The following ZNF385D variants were observed in gnomAD, a reference collection of about 807,000 sequenced individuals.
The protein encoded by ZNF385D is zinc finger protein 385D.
Under a neutral mutation model 35.8 loss-of-function variants are expected in ZNF385D, and 15 were observed. The observed-to-expected ratio is 0.42, with a 90% confidence interval of 0.28 to 0.64. The LOEUF is 0.64. Among genes scored for constraint, ZNF385D ranks in the 30% least tolerant of loss-of-function variants. The pLI is 0.23. For missense variants in ZNF385D, 474 were observed against 494.6 expected (o/e 0.96, Z 0.39); for synonymous variants, 212 against 186.8 (o/e 1.13, Z -1.10).
At chr3:22,110,514 C>T (rs1702462236) in intron 3 of ZNF385D, among the ~76,000 whole-genome samples, 1 of 152,078 alleles carries the variant, frequency 6.6e-6, no homozygotes, top group South Asian at 2.1e-4. Flanking sequence ...TGGAAACCAT[C>T]ATTCTCAGCA....
chr3:22,132,085 A>G lies in ZNF385D; in HGVS notation c.325+36732T>C, dbSNP rs182818875. On this transcript the variant is annotated intron_variant, in intron 3 of 5. Transcript: ENST00000494108. Reference sequence around the variant, plus strand: ...AGGAAAAAACGTTTAGGGTATATGCAAAGAAGTGATTATAGTGGTGCTATG... The same window carrying G: ...AGGAAAAAACGTTTAGGGTATATGCGAAGAAGTGATTATAGTGGTGCTATG... Among the ~76,000 whole-genome samples the G allele has an allele frequency of 8.7e-4, 132 of 152,308 alleles. 2 individuals carry two copies. The Middle Eastern group carries it at 0.02, about 24-fold the overall frequency.
chr3:21,657,386 G>A (rs543592560), intron 2 of ZNF385D, among the ~76,000 whole-genome samples: 35 of 152,000 alleles, frequency 2.3e-4, no homozygotes, highest in African/African-American at 7.7e-4. Context: ...TTTGTGCTTC[G>A]AGGTCACTAT....
chr3:22,318,440 C>T (rs550696177), intron 2 of ZNF385D, among the ~76,000 whole-genome samples: 81 of 152,142 alleles, frequency 5.3e-4, no homozygotes, highest in Non-Finnish European at 1.1e-3. Context: ...AAGAAAGTGA[C>T]GTCAGAAGCT....
chr3:22,028,153 G>A (rs1488700208), intron 3 of ZNF385D, among the ~76,000 whole-genome samples: 1 of 152,180 alleles, frequency 6.6e-6, no homozygotes, highest in Non-Finnish European at 1.5e-5. Context: ...CAAATTTGGG[G>A]AAGAGGTATG....
rs544463478 is a variant in ZNF385D, at chr3:21,494,488, T to C, written c.439+16373A>G. On this transcript the variant is annotated intron_variant, in intron 4 of 7. Coordinates refer to ENST00000281523, the MANE Select transcript of ZNF385D (RefSeq NM_024697.3). ...TTGGGGTTAGTGCTAAGGAGGATTATGGGAAGATTAAGTTTAAGTGTTTTG... is the reference window on the plus strand; with the variant it reads ...TTGGGGTTAGTGCTAAGGAGGATTACGGGAAGATTAAGTTTAAGTGTTTTG... Among the ~76,000 whole-genome samples the C allele has an allele frequency of 2.6e-5, 4 of 152,270 alleles. No individual in the cohort carries two copies. The South Asian group carries it at 6.2e-4, about 24-fold the overall frequency.
At chr3:21,917,325 A>G (rs1382241838) in intron 3 of ZNF385D, among the ~76,000 whole-genome samples, 2 of 152,234 alleles carry the variant, frequency 1.3e-5, no homozygotes, top group East Asian at 3.9e-4. Context: ...CCAGCTACTC[A>G]GAAAGCCGAG....
At chr3:21,593,645 C>A (rs1437442596) in intron 2 of ZNF385D, among the ~76,000 whole-genome samples, 1 of 151,948 alleles carries the variant, frequency 6.6e-6, no homozygotes, top group African/African-American at 2.4e-5. Context: ...TATGTACACA[C>A]AATGCATTTT....
At chr3:21,430,563 A>G (rs1248723309) in intron 5 of ZNF385D, among the ~76,000 whole-genome samples, 1 of 152,144 alleles carries the variant, frequency 6.6e-6, no homozygotes, top group Non-Finnish European at 1.5e-5. Context: ...GTGAGAACTA[A>G]TATAGCAGCA....
chr3:22,333,224 A>G (rs1268216357), intron 2 of ZNF385D, among the ~76,000 whole-genome samples: 3 of 151,894 alleles, frequency 2.0e-5, no homozygotes, highest in Non-Finnish European at 4.4e-5. Context: ...TGCTTTCAAT[A>G]TTTTTCTCAG....
intron 1 of ZNF385D, among the ~76,000 whole-genome samples, chr3:21,724,686 G>A (rs1365699134): frequency 6.6e-6 from 1 of 151,876 alleles, no homozygotes; most frequent in Admixed American, 6.6e-5. Flanking sequence ...CATAAAGAAA[G>A]TTCTTAGAGA....
chr3:21,783,468 T>C (rs1330264641), intron 3 of ZNF385D, among the ~76,000 whole-genome samples: 1 of 152,062 alleles, frequency 6.6e-6, no homozygotes, highest in Non-Finnish European at 1.5e-5. Flanking sequence ...ATGTTACCAT[T>C]TGATATAATA....
chr3:22,064,002 A>G (rs1488063695), intron 3 of ZNF385D, among the ~76,000 whole-genome samples: 1 of 152,162 alleles, frequency 6.6e-6, no homozygotes, highest in Non-Finnish European at 1.5e-5. Context: ...GCAAATATCC[A>G]TCTCAGAATT....
chr3:22,337,027 CAT>C (rs1372442032), intron 2 of ZNF385D, among the ~76,000 whole-genome samples: 4 of 143,844 alleles, frequency 2.8e-5, no homozygotes, highest in Non-Finnish European at 6.0e-5. Flanking sequence ...CAAATAAAGT[CAT>C]AAAAACCCAT....
chr3:22,102,619 A>C (rs1437226772), intron 3 of ZNF385D, among the ~76,000 whole-genome samples: 1 of 152,076 alleles, frequency 6.6e-6, no homozygotes, highest in Non-Finnish European at 1.5e-5. Context: ...AGATGAGAAA[A>C]ATATACATCG....
intron 3 of ZNF385D, among the ~76,000 whole-genome samples, chr3:21,796,137 T>A (rs1031046729): frequency 6.6e-5 from 10 of 152,138 alleles, no homozygotes; most frequent in Admixed American, 2.0e-4. Flanking sequence ...TCTGGTAGAT[T>A]TTCCTGTTTC....
chr3:21,936,064 C>A lies in ZNF385D; in HGVS notation c.325+232753G>T, dbSNP rs79970686. On this transcript the variant is annotated intron_variant, in intron 3 of 5. Coordinates refer to the ZNF385D transcript ENST00000494108. ...AGGTGCTGAATGAATTGGAGTAGAG[C>A]ACTAATATGGCCAGAGACCAGTTAC... Among the ~76,000 whole-genome samples, 745 of 152,050 alleles carry A rather than the reference C, an allele frequency of 4.9e-3. 4 individuals are homozygous for A. Among genetic ancestry groups the A allele is most frequent in the Middle Eastern group, 0.014 (4 of 294 alleles).
intron 1 of ZNF385D, among the ~76,000 whole-genome samples, chr3:21,744,770 G>C (rs879339772): frequency 1.3e-5 from 2 of 151,274 alleles, no homozygotes; most frequent in Non-Finnish European, 2.9e-5. Flanking sequence ...ACTAGAAACA[G>C]AAAAAAAGAT....
chr3:21,873,698 A>G (rs1193879271), intron 3 of ZNF385D, among the ~76,000 whole-genome samples: 1 of 152,040 alleles, frequency 6.6e-6, no homozygotes, highest in Non-Finnish European at 1.5e-5. Context: ...GAGTTTGACC[A>G]CTTTAGATAA....
At chr3:21,444,817 C>G (rs1307277290) in intron 4 of ZNF385D, among the ~76,000 whole-genome samples, 2 of 149,736 alleles carry the variant, frequency 1.3e-5, no homozygotes. Context: ...AAAATTTAGG[C>G]AATTCCTATT....
Sources: gnomAD v4.1 joint callset for allele counts (sites outside exome capture counted in the v4.1 genomes callset) on GRCh38, gnomAD v4.1.1 for gene constraint, MANE v1.5 for transcripts, NCBI Gene and HGNC (gene_info 2026-07-23, HGNC 2026-07-21) for gene names.